The following SNTB1 variants were observed in gnomAD, a reference collection of about 807,000 sequenced individuals.
The protein encoded by SNTB1 is syntrophin beta 1, also known as beta-1-syntrophin.
SNTB1 carries 36 observed loss-of-function variants against 48.9 expected under a neutral mutation model. The observed-to-expected ratio is 0.74, with a 90% CI of 0.56 to 0.97. SNTB1 has a LOEUF of 0.97. SNTB1 is among the 50% of genes least tolerant of loss of function. The probability of loss-of-function intolerance (pLI) is 0.00; values close to 1 mark genes in which losing one functional copy is unlikely to be tolerated. For missense variants in SNTB1, 786 were observed against 703.4 expected, an observed-to-expected ratio of 1.12 and a Z score of -1.33; for synonymous variants, 299 against 294.6, an observed-to-expected ratio of 1.01 and a Z score of -0.15.
At chr8:120,684,857 C>T (rs1004954266) in intron 2 of SNTB1, among the ~76,000 whole-genome samples, 10 of 152,002 alleles carry the variant, frequency 6.6e-5, no homozygotes, top group Admixed American at 5.9e-4. Flanking sequence ...AGTTTCACCA[C>T]GTTGGCCAGG....
At chr8:120,587,255 A>C (rs1816162589) in intron 3 of SNTB1, among the ~76,000 whole-genome samples, 1 of 137,508 alleles carries the variant, frequency 7.3e-6, no homozygotes, top group African/African-American at 2.5e-5. Flanking sequence ...CAAACAAACA[A>C]AAAAACCCAA....
At chr8:120,696,993 G>T (rs797002186) in intron 1 of SNTB1, among the ~76,000 whole-genome samples, 2 of 152,342 alleles carry the variant, frequency 1.3e-5, no homozygotes, top group African/African-American at 4.8e-5. Flanking sequence ...TGGAAGGTGA[G>T]ACTGGGTGTA....
intron 2 of SNTB1, among the ~76,000 whole-genome samples, chr8:120,640,435 G>C (rs1377391669): frequency 6.6e-6 from 1 of 152,170 alleles, no homozygotes; most frequent in Non-Finnish European, 1.5e-5. Context: ...AGTGATGAGA[G>C]AGGGCATCCC....
At chr8:120,587,243 G>GA (rs1816160637) in intron 3 of SNTB1, among the ~76,000 whole-genome samples, 1 of 70,314 alleles carries the variant, frequency 1.4e-5, no homozygotes, top group Non-Finnish European at 4.2e-5. Context: ...AAACAAAACA[G>GA]ACAAACAAAC....
intron 1 of SNTB1, among the ~76,000 whole-genome samples, chr8:120,715,264 T>A (rs907482033): frequency 6.6e-6 from 1 of 152,246 alleles, no homozygotes; most frequent in African/African-American, 2.4e-5. Context: ...TTGGTCTCAT[T>A]AAGCTCACAG....
Position 120,811,658 on chromosome 8 carries a change from G to T in SNTB1, c.186C>A (p.Thr62=). 1 of 1,593,516 alleles carries T rather than the reference G, an allele frequency of 6.3e-7. No homozygotes were observed. Among genetic ancestry groups the T allele is most frequent in the Non-Finnish European group, 8.5e-7 (1 of 1,173,536 alleles). Residue 62 remains threonine (T), a synonymous_variant, in exon 1 of 7, where the codon ACC becomes ACA. Transcript: ENST00000517992. The stretch of plus-strand genomic sequence containing the variant: ...CCCTGCAGAACGAGCCATTGGTGGC[G>T]GTCCCGATGCCGTTGTACGCCGCAG... ...EGAAAYNGIG[T]ATNGSFCRGA...
At chr8:120,543,236 A>T (rs1793549773) in intron 5 of SNTB1, among the ~76,000 whole-genome samples, 1 of 152,162 alleles carries the variant, frequency 6.6e-6, no homozygotes, top group Non-Finnish European at 1.5e-5. Context: ...GTTATTAAGG[A>T]TCAGATTGGA....
chr8:120,618,078 C>T (rs972898976), intron 3 of SNTB1, among the ~76,000 whole-genome samples: 2 of 152,148 alleles, frequency 1.3e-5, no homozygotes, highest in African/African-American at 4.8e-5. Flanking sequence ...TTTGCACATA[C>T]TATTTCTGCA....
At chr8:120,632,414 G>A (rs778611317) in intron 3 of SNTB1, 30 bp downstream of exon 3, 6 of 1,596,194 alleles carry the variant, frequency 3.8e-6, no homozygotes, top group South Asian at 1.1e-5. Flanking sequence ...CGGGGAGGAC[G>A]ACTATTACAG....
chr8:120,585,938 A>G (rs141757183), intron 3 of SNTB1, among the ~76,000 whole-genome samples: 18 of 152,324 alleles, frequency 1.2e-4, no homozygotes, highest in Non-Finnish European at 4.4e-5. Context: ...GCAACTCCCA[A>G]ACTTTTCGAG....
At chr8:120,550,696 A>C (rs1019386923) in intron 4 of SNTB1, among the ~76,000 whole-genome samples, 1 of 152,086 alleles carries the variant, frequency 6.6e-6, no homozygotes, top group Non-Finnish European at 1.5e-5. Flanking sequence ...TTCAGGAGGG[A>C]GGAGGGCATT....
intron 1 of SNTB1, among the ~76,000 whole-genome samples, chr8:120,742,259 C>T (rs1656451040): frequency 6.6e-6 from 1 of 152,150 alleles, no homozygotes; most frequent in African/African-American, 2.4e-5. Context: ...AAAGCTGTGC[C>T]TTTAAAAAAG....
chr8:120,709,049 T>C (rs907595206), intron 1 of SNTB1, among the ~76,000 whole-genome samples: 4 of 150,136 alleles, frequency 2.7e-5, no homozygotes, highest in Non-Finnish European at 5.9e-5. Context: ...AATGAATGCA[T>C]GAATGAATAA....
At chr8:120,628,721 A>C (rs1816926196) in intron 3 of SNTB1, among the ~76,000 whole-genome samples, 1 of 151,830 alleles carries the variant, frequency 6.6e-6, no homozygotes. Context: ...ACACCACTGC[A>C]CTCCAGCCTG....
At chr8:120,595,702 G>C (rs1465701251) in intron 3 of SNTB1, among the ~76,000 whole-genome samples, 3 of 151,866 alleles carry the variant, frequency 2.0e-5, no homozygotes. Context: ...TCCTGCCTCA[G>C]CCTCCCGAGT....
At chr8:120,809,547 G>C (rs907883555) in intron 1 of SNTB1, among the ~76,000 whole-genome samples, 2 of 152,036 alleles carry the variant, frequency 1.3e-5, no homozygotes, top group Non-Finnish European at 2.9e-5. Context: ...TTCATTAAAA[G>C]AGGAAGAAAA....
chr8:120,539,076 TTGACTGGAGCAATTA>T (rs1178710092), intron 6 of SNTB1, 107 bp from the exon 7 acceptor site: 2 of 756,396 alleles, frequency 2.6e-6, no homozygotes, highest in Non-Finnish European at 4.3e-6. Flanking sequence ...CTTTTAAATG[TTGACTGGAGCAATTA>T]TGCTCTAAAA....
At chr8:120,643,548 T>C (rs1817232487) in intron 2 of SNTB1, among the ~76,000 whole-genome samples, 1 of 152,232 alleles carries the variant, frequency 6.6e-6, no homozygotes, top group Non-Finnish European at 1.5e-5. Context: ...TTACTTCACT[T>C]AGAATAATAG....
intron 3 of SNTB1, among the ~76,000 whole-genome samples, chr8:120,590,657 G>T (rs992322999): frequency 4.0e-5 from 6 of 148,510 alleles, no homozygotes; most frequent in Non-Finnish European, 8.9e-5. Flanking sequence ...TTCATTATAG[G>T]TTTCTTTCTT....
Sources: gnomAD v4.1 joint callset for allele counts (sites outside exome capture counted in the v4.1 genomes callset) on GRCh38, gnomAD v4.1.1 for gene constraint, MANE v1.5 for transcripts, NCBI Gene and HGNC (gene_info 2026-07-23, HGNC 2026-07-21) for gene names.